The following PACRGL variants were observed in gnomAD, a reference collection of about 807,000 sequenced individuals.
PACRGL encodes parkin coregulated like, also known as PACRG-like protein.
Under a neutral mutation model 34.5 loss-of-function variants are expected in PACRGL, and 38 were observed. The observed-to-expected ratio is 1.10, with a 90% confidence interval of 0.85 to 1.44. The LOEUF is 1.44. Among genes scored for constraint, PACRGL ranks in the 40% most tolerant of loss-of-function variants. PACRGL has a pLI of 0.00. For missense variants in PACRGL, 305 were observed against 281.4 expected, an observed-to-expected ratio of 1.08 and a Z score of -0.60; for synonymous variants, 128 against 100.1, an observed-to-expected ratio of 1.28 and a Z score of -1.66.
At chr4:20,705,907 G>A (rs554868623) in intron 3 of PACRGL, among the ~76,000 whole-genome samples, 8 of 147,174 alleles carry the variant, frequency 5.4e-5, no homozygotes, top group African/African-American at 2.0e-4. Context: ...GGCATCTAGT[G>A]TGCTGGAAAC....
intron 7 of PACRGL, among the ~76,000 whole-genome samples, chr4:20,713,927 C>A (rs1438954557): frequency 1.3e-5 from 2 of 152,164 alleles, no homozygotes; most frequent in Admixed American, 6.5e-5. Context: ...ACTATGTGGT[C>A]AATTTTGGGA....
chr4:20,705,684 C>T (rs894971558), intron 3 of PACRGL, among the ~76,000 whole-genome samples: 2 of 151,948 alleles, frequency 1.3e-5, no homozygotes, highest in Non-Finnish European at 2.9e-5. Flanking sequence ...TTTTCTTCCT[C>T]TCTTTAAAGA....
intron 7 of PACRGL, among the ~76,000 whole-genome samples, chr4:20,723,367 G>A (rs1044001101): frequency 3.3e-5 from 5 of 152,082 alleles, no homozygotes; most frequent in African/African-American, 1.2e-4. Context: ...TATAATCTGA[G>A]CAGAAACAGG....
intron 7 of PACRGL, among the ~76,000 whole-genome samples, chr4:20,714,781 T>C (rs1988796): frequency 0.91 from 138,528 of 152,174 alleles, 63,180 homozygotes; most frequent in African/African-American, 0.97. Context: ...ACAACAGGTG[T>C]TGGAGAGGAT....
At chr4:20,766,019 ATATTT>A in the PACRGL span, among the ~76,000 whole-genome samples, 23 of 152,200 alleles carry the variant, frequency 1.5e-4, no homozygotes, top group African/African-American at 5.5e-4. Flanking sequence ...ATTGGTATTG[ATATTT>A]TATAATTATT....
chr4:20,709,116 G>A (rs1186645940), intron 4 of PACRGL, among the ~76,000 whole-genome samples: 1 of 152,136 alleles, frequency 6.6e-6, no homozygotes, highest in Non-Finnish European at 1.5e-5. Context: ...TTGAGCCTGG[G>A]CAACAAGAGT....
At position 20,743,932 on chromosome 4, in the gene PACRGL, C is replaced by A. The variant is rs560253604; in HGVS notation, c.*57-8633C>A. ...ATTAAATTTACAAGAAAAAAAAAAACCCTTCAAAAAGTGGGCAAAGGATAT... is the reference window on the plus strand; with the variant it reads ...ATTAAATTTACAAGAAAAAAAAAAAACCTTCAAAAAGTGGGCAAAGGATAT... On this transcript the variant is annotated intron_variant, in intron 8 of 8. Coordinates refer to the PACRGL transcript ENST00000507634. Among the ~76,000 whole-genome samples, 752 of 151,258 alleles carry A rather than the reference C, an allele frequency of 5.0e-3. 6 individuals are homozygous for A. Among genetic ancestry groups the A allele is most frequent in the African/African-American group, 0.017 (693 of 41,220 alleles).
intron 8 of PACRGL, chr4:20,749,563 T>G (rs1281216392): frequency 1.3e-6 from 1 of 780,498 alleles, no homozygotes; most frequent in Non-Finnish European, 2.1e-6. Flanking sequence ...TGGGCTTTCT[T>G]TCCCCTGAGC....
chr4:20,702,043 G>A, intron 1 of PACRGL: 1 of 437,668 alleles, frequency 2.3e-6, no homozygotes, highest in South Asian at 1.6e-5. Flanking sequence ...CTCATAAACT[G>A]TAGAAGCTCG....
chr4:20,724,957 A>G (rs921387959), intron 8 of PACRGL, 69 bp downstream of exon 8: 14 of 875,170 alleles, frequency 1.6e-5, no homozygotes, highest in East Asian at 3.1e-5. Flanking sequence ...TGACATATAT[A>G]TATATTTAAC....
At chr4:20,757,042 A>G (rs139038144), downstream of PACRGL, among the ~76,000 whole-genome samples, 93 of 152,244 alleles carry the variant, frequency 6.1e-4, no homozygotes, top group African/African-American at 2.2e-3. Context: ...TGTTGAGTCT[A>G]AATCCCCACA....
rs901325716 is a variant in PACRGL, at chr4:20,727,671, A to G, written c.*330A>G. On this transcript the variant is annotated 3_prime_UTR_variant, in exon 9 of 9. Coordinates refer to ENST00000503585, the MANE Select transcript of PACRGL (RefSeq NM_001258345.3). ...TATTTATAACAACACTTTTTTGGCAATCAGTTTGTAGCTGTGCCCTTATTT... is the reference window on the plus strand; with the variant it reads ...TATTTATAACAACACTTTTTTGGCAGTCAGTTTGTAGCTGTGCCCTTATTT... The G allele has an allele frequency of 9.6e-5, 20 of 207,376 alleles. No individual in the cohort carries two copies. The highest frequency in any genetic ancestry group is 1.7e-4 in the Non-Finnish European group (17 of 102,848). The allele number at this position is 207,376 out of a possible 1,614,324, so 12.8% of individuals were successfully genotyped here.
intron 7 of PACRGL, among the ~76,000 whole-genome samples, chr4:20,716,659 G>A (rs1335521576): frequency 6.6e-6 from 1 of 152,152 alleles, no homozygotes; most frequent in Admixed American, 6.5e-5. Context: ...CAAAGGACAT[G>A]AACTCATCCT....
intron 7 of PACRGL, among the ~76,000 whole-genome samples, chr4:20,722,518 C>T (rs549515954): frequency 5.3e-5 from 8 of 152,322 alleles, no homozygotes; most frequent in East Asian, 3.9e-4. Flanking sequence ...TGTGTGGCAA[C>T]GTGCATGGAG....
At chr4:20,706,148 A>G (rs1312861087) in intron 3 of PACRGL, among the ~76,000 whole-genome samples, 1 of 152,028 alleles carries the variant, frequency 6.6e-6, no homozygotes, top group Non-Finnish European at 1.5e-5. Context: ...ATTTGGTTAA[A>G]ATCGATAAAA....
downstream of PACRGL, among the ~76,000 whole-genome samples, chr4:20,734,415 G>A (rs1256133212): frequency 6.6e-6 from 1 of 152,150 alleles, no homozygotes; most frequent in African/African-American, 2.4e-5. Flanking sequence ...CAGGAAACAA[G>A]GGTGTAATCT....
intron 8 of PACRGL, among the ~76,000 whole-genome samples, chr4:20,742,766 A>C (rs1490246101): frequency 6.6e-6 from 1 of 152,180 alleles, no homozygotes; most frequent in Non-Finnish European, 1.5e-5. Flanking sequence ...GGAAAGAAGA[A>C]GTCAAATTTT....
At chr4:20,764,496 T>C in the PACRGL span, among the ~76,000 whole-genome samples, 1 of 151,898 alleles carries the variant, frequency 6.6e-6, no homozygotes, top group Non-Finnish European at 1.5e-5. Context: ...GCACTTGTGG[T>C]TTCTTCTTTA....
rs868629925 is a variant in PACRGL at position 20,732,179 on chromosome 4, C to A, written c.*4838C>A. On this transcript the variant is annotated 3_prime_UTR_variant, in exon 9 of 9. Transcript: ENST00000503585. Reference sequence around the variant, plus strand: ...AGAAAACCTAGCTGCTTATTTATTTCACGTGGAGGAACTGTTTCAGAGCAG... The same window carrying A: ...AGAAAACCTAGCTGCTTATTTATTTAACGTGGAGGAACTGTTTCAGAGCAG... The A allele has an allele frequency of 1.4e-5, 10 of 727,036 alleles. No homozygotes were observed. The Middle Eastern group carries it at 1.9e-3, about 139-fold the overall frequency. 45.0% of individuals were successfully genotyped at this position (727,036 alleles called of 1,614,324 possible).
Sources: gnomAD v4.1 joint callset for allele counts (sites outside exome capture counted in the v4.1 genomes callset) on GRCh38, gnomAD v4.1.1 for gene constraint, MANE v1.5 for transcripts, NCBI Gene and HGNC (gene_info 2026-07-23, HGNC 2026-07-21) for gene names.